Variants in CDH13 observed in about 807,000 individuals in gnomAD.
CDH13 encodes cadherin-13.
A neutral mutation model predicts 63.8 loss-of-function variants in CDH13; 24 were observed. The ratio of observed to expected loss-of-function variants is 0.38; its 90% CI spans 0.27 to 0.53. CDH13 has a LOEUF of 0.53. Ranked by LOEUF, CDH13 falls within the 20% of genes least tolerant of loss-of-function variation. CDH13 has a pLI of 0.85. For synonymous variants in CDH13, 503 were observed against 355.3 expected (o/e 1.42, Z -4.67); for missense variants, 1,049 against 903.1 (o/e 1.16, Z -2.07).
chr16:83,736,649 G>A lies in CDH13; in HGVS notation c.1539-11459G>A, dbSNP rs181515524. Among the ~76,000 whole-genome samples, 902 of 152,254 alleles carry A rather than the reference G, an allele frequency of 5.9e-3. 6 individuals are homozygous for A. Among genetic ancestry groups the A allele is most frequent in the Middle Eastern group, 0.02 (6 of 294 alleles). Reference sequence around the variant, plus strand: ...TTCACGTAGGTTTCAAAAATGGGGTGGGGGAGGGCAGTGGCAGTGAGCGCC... The same window carrying A: ...TTCACGTAGGTTTCAAAAATGGGGTAGGGGAGGGCAGTGGCAGTGAGCGCC... On this transcript the variant is annotated intron_variant, in intron 10 of 13. Coordinates refer to ENST00000567109, the MANE Select transcript of CDH13 (RefSeq NM_001257.5).
chr16:83,673,701 C>T (rs1240079374), intron 9 of CDH13, among the ~76,000 whole-genome samples: 1 of 152,234 alleles, frequency 6.6e-6, no homozygotes, highest in East Asian at 1.9e-4. Flanking sequence ...TAAGAATCAT[C>T]TGCAATGTTA....
At chr16:83,409,390 C>T (rs1235154037) in intron 6 of CDH13, among the ~76,000 whole-genome samples, 1 of 152,144 alleles carries the variant, frequency 6.6e-6, no homozygotes, top group Non-Finnish European at 1.5e-5. Flanking sequence ...CATGCAGCGA[C>T]ACGGGGCAAT....
At chr16:82,741,078 C>T (rs1464775379) in intron 1 of CDH13, among the ~76,000 whole-genome samples, 1 of 152,152 alleles carries the variant, frequency 6.6e-6, no homozygotes, top group African/African-American at 2.4e-5. Flanking sequence ...TCTCCCCACA[C>T]CCCCAAACCC....
chr16:83,720,569 C>A (rs1417798345), intron 10 of CDH13, among the ~76,000 whole-genome samples: 1 of 151,836 alleles, frequency 6.6e-6, no homozygotes, highest in Non-Finnish European at 1.5e-5. Context: ...ATAGTGAGAC[C>A]CCGTCTCTGT....
chr16:83,211,503 A>G (rs2039335733), intron 4 of CDH13, among the ~76,000 whole-genome samples: 1 of 152,216 alleles, frequency 6.6e-6, no homozygotes, highest in South Asian at 2.1e-4. Context: ...ATGAGTTCAT[A>G]TGTATGCAAA....
At chr16:83,501,561 G>A (rs778116204) in intron 7 of CDH13, among the ~76,000 whole-genome samples, 2 of 152,190 alleles carry the variant, frequency 1.3e-5, no homozygotes, top group African/African-American at 4.8e-5. Context: ...CAATTACGGC[G>A]TTTTTTCATC....
In CDH13 at chr16:83,748,093, G is replaced by A. The variant is rs1912757656; in HGVS notation, c.1539-15G>A. 3 of 1,613,702 alleles carry A rather than the reference G, an allele frequency of 1.9e-6. No homozygotes were observed. Among genetic ancestry groups the A allele is most frequent in the East Asian group, 4.5e-5 (2 of 44,868 alleles). On this transcript the variant is annotated splice_polypyrimidine_tract_variant and intron_variant, in intron 10 of 13. Coordinates refer to ENST00000567109, the MANE Select transcript of CDH13 (RefSeq NM_001257.5). ...CTTTGAATGCAGAGTCTGACATTGT[G>A]GGGATTTTTTTCAGGTATTCTGTTT... is the stretch of plus-strand genomic sequence containing the variant.
At chr16:83,601,817 G>A (rs574362604) in intron 7 of CDH13, among the ~76,000 whole-genome samples, 148 of 152,108 alleles carry the variant, frequency 9.7e-4, no homozygotes, top group African/African-American at 3.4e-3. Context: ...CGTAGGGGCC[G>A]GGCGTGGTGG....
intron 7 of CDH13, among the ~76,000 whole-genome samples, chr16:83,578,145 C>G (rs1478849838): frequency 1.3e-5 from 2 of 152,194 alleles, no homozygotes; most frequent in South Asian, 4.1e-4. Flanking sequence ...TGAATACATT[C>G]TTCTGCTCAG....
chr16:82,967,686 T>A (rs1015635975), intron 2 of CDH13, among the ~76,000 whole-genome samples: 17 of 152,310 alleles, frequency 1.1e-4, no homozygotes, highest in African/African-American at 4.1e-4. Context: ...TCACAGTTGG[T>A]TCCGGCAGTT....
rs537205137 is a variant in CDH13, at chr16:83,773,668, A to G, written c.1682-6300A>G. On this transcript the variant is annotated intron_variant, in intron 11 of 13. Coordinates refer to ENST00000567109, the MANE Select transcript of CDH13 (RefSeq NM_001257.5). Reference sequence around the variant, plus strand: ...CCATATCAGGGCTCTAGAGTCTGAAAGAAGCCCATCTAAAGTGTAGTCCAG... The same window carrying G: ...CCATATCAGGGCTCTAGAGTCTGAAGGAAGCCCATCTAAAGTGTAGTCCAG... Among the ~76,000 whole-genome samples, 23 of 152,354 alleles carry G rather than the reference A, an allele frequency of 1.5e-4. No homozygotes were observed. In the South Asian group the frequency reaches 4.6e-3, roughly 30 times the overall value.
chr16:83,011,183 G>A (rs1204730413), intron 2 of CDH13, among the ~76,000 whole-genome samples: 1 of 152,154 alleles, frequency 6.6e-6, no homozygotes, highest in Non-Finnish European at 1.5e-5. Flanking sequence ...AGGTTGTTTG[G>A]AGACTAGGTT....
At chr16:82,871,684 T>C (rs1418685598) in intron 2 of CDH13, among the ~76,000 whole-genome samples, 1 of 152,188 alleles carries the variant, frequency 6.6e-6, no homozygotes, top group Admixed American at 6.5e-5. Context: ...AGCAAAAACA[T>C]ATAAAATTAT....
At chr16:83,289,678 T>A (rs982741371) in intron 5 of CDH13, among the ~76,000 whole-genome samples, 1 of 152,188 alleles carries the variant, frequency 6.6e-6, no homozygotes, top group Non-Finnish European at 1.5e-5. Context: ...ACAGTCTAGC[T>A]GGACCATTTA....
intron 10 of CDH13, among the ~76,000 whole-genome samples, chr16:83,690,797 C>T (rs766626647): frequency 8.5e-5 from 13 of 152,144 alleles, no homozygotes; most frequent in Admixed American, 1.3e-4. Flanking sequence ...TTTTGGCTCA[C>T]TGCTACCTCT....
intron 5 of CDH13, among the ~76,000 whole-genome samples, chr16:83,339,591 C>G (rs2090677311): frequency 6.6e-6 from 1 of 152,266 alleles, no homozygotes; most frequent in African/African-American, 2.4e-5. Context: ...GGTGCATGCT[C>G]TGCTCAGGGC....
intron 12 of CDH13, among the ~76,000 whole-genome samples, chr16:83,780,777 C>T (rs1347247507): frequency 3.9e-5 from 6 of 152,186 alleles, no homozygotes; most frequent in African/African-American, 1.2e-4. Flanking sequence ...GCCAACCTGC[C>T]CAGTCTCAGA....
At chr16:82,958,924 C>A (rs1348732967) in intron 2 of CDH13, among the ~76,000 whole-genome samples, 1 of 152,254 alleles carries the variant, frequency 6.6e-6, no homozygotes, top group African/African-American at 2.4e-5. Context: ...CGAATGAAAT[C>A]TACCCCCAAG....
intron 5 of CDH13, among the ~76,000 whole-genome samples, chr16:83,232,362 T>G (rs1319828564): frequency 6.6e-6 from 1 of 151,250 alleles, no homozygotes; most frequent in African/African-American, 2.4e-5. Flanking sequence ...CTGTCTCTAC[T>G]AAAAAAACAA....
Sources: allele counts gnomAD v4.1 joint callset (sites outside exome capture counted in the v4.1 genomes callset), GRCh38; gene constraint gnomAD v4.1.1; transcripts MANE v1.5; gene names NCBI Gene and HGNC (gene_info 2026-07-23, HGNC 2026-07-21).